Variants in FDFT1 observed in about 807,000 individuals in gnomAD.
The protein encoded by FDFT1 is squalene synthase.
In FDFT1, 68 loss-of-function variants were observed where a neutral mutation model predicts 46.8. That is an observed-to-expected ratio of 1.45 (90% CI 1.19 to 1.78). The LOEUF is 1.78. Ranked by LOEUF, FDFT1 falls within the 40% of genes most tolerant of loss-of-function variation. The probability of loss-of-function intolerance (pLI) is 0.00; values close to 1 mark genes in which losing one functional copy is unlikely to be tolerated. For synonymous variants in FDFT1, 351 were observed against 185.1 expected, an observed-to-expected ratio of 1.90 and a Z score of -7.28; for missense variants, 928 against 524.4, an observed-to-expected ratio of 1.77 and a Z score of -7.52.
At position 11,821,859 on chromosome 8, in the gene FDFT1, C is replaced by T. The variant is rs199864384; in HGVS notation, c.491C>T (p.Ser164Phe). The T allele has an allele frequency of 2.2e-5, 35 of 1,613,144 alleles. No homozygotes were observed. In the African/African-American group the frequency reaches 4.3e-4, roughly 20 times the overall value. The change falls in exon 4 of 8, where the codon TCT (serine) becomes TTT (phenylalanine). Residue 164 changes from serine to phenylalanine, a missense_variant. Transcript: ENST00000220584. ...MAEFLDKHVT[S>F]EQEWDKYCHY... ...GAGTTTTTGGATAAGCATGTGACCTCTGAACAGGAGTGGGACAAGGTTAGT... is the reference window on the plus strand; with the variant it reads ...GAGTTTTTGGATAAGCATGTGACCTTTGAACAGGAGTGGGACAAGGTTAGT...
intron 3 of FDFT1, among the ~76,000 whole-genome samples, chr8:11,810,170 T>C (rs972904940): frequency 6.6e-6 from 1 of 151,986 alleles, no homozygotes; most frequent in African/African-American, 2.4e-5. Context: ...GTAATGCTCT[T>C]AGAATGTTAG....
intron 3 of FDFT1, among the ~76,000 whole-genome samples, chr8:11,816,362 C>G (rs886359117): frequency 1.5e-4 from 23 of 152,146 alleles, no homozygotes; most frequent in African/African-American, 5.1e-4. Context: ...CTCTTTTTTG[C>G]TTCCATGTGA....
chr8:11,796,862 A>G lies in FDFT1; in HGVS notation c.-94+851A>G, dbSNP rs564553198. 7.2e-5 allele frequency among the ~76,000 whole-genome samples: 11 copies of G among 152,364 alleles called. No homozygotes were observed. The East Asian group carries it at 2.1e-3, about 29-fold the overall frequency. Reference sequence around the variant, plus strand: ...GGGTGAGCCAGTGGTAAGGTGGAAGAAAACAACTTCATTAAAGAGGCAGTG... The same window carrying G: ...GGGTGAGCCAGTGGTAAGGTGGAAGGAAACAACTTCATTAAAGAGGCAGTG... On this transcript the variant is annotated intron_variant, in intron 1 of 7. Transcript: ENST00000538689.
At chr8:11,798,004 A>G (rs1805736832), upstream of FDFT1, 1 of 152,270 alleles carries the variant, frequency 6.6e-6, no homozygotes, top group Non-Finnish European at 1.5e-5. Context: ...GATTTCCTTT[A>G]AATCAATCCA....
chr8:11,820,511 C>A (rs543755075), intron 3 of FDFT1, among the ~76,000 whole-genome samples: 4 of 152,350 alleles, frequency 2.6e-5, no homozygotes, highest in Middle Eastern at 3.4e-3. Flanking sequence ...CCACCCAGTT[C>A]AAGCTTCCTT....
At chr8:11,827,274 A>G (rs547250931) in intron 5 of FDFT1, among the ~76,000 whole-genome samples, 1 of 152,306 alleles carries the variant, frequency 6.6e-6, no homozygotes, top group East Asian at 1.9e-4. Flanking sequence ...ACAGCAAGAT[A>G]CCATCTCTAT....
In FDFT1 at chr8:11,828,550, A is replaced by G. The variant is rs576768304; in HGVS notation, c.703-1694A>G. The stretch of plus-strand genomic sequence containing the variant: ...TGACCACTGTTCCATTGTCTCCCAG[A>G]CAGAACATCAGCCACGGGCATGTGA... On this transcript the variant is annotated intron_variant, in intron 5 of 7. Coordinates refer to ENST00000220584, the MANE Select transcript of FDFT1 (RefSeq NM_004462.5). Among the ~76,000 whole-genome samples, 328 of 152,340 alleles carry G rather than the reference A, an allele frequency of 2.2e-3. 3 individuals are homozygous for G. The highest frequency in any genetic ancestry group is 7.7e-3 in the African/African-American group (318 of 41,562).
intron 5 of FDFT1, among the ~76,000 whole-genome samples, chr8:11,828,173 C>T (rs568964857): frequency 1.4e-4 from 21 of 152,120 alleles, no homozygotes; most frequent in Admixed American, 4.6e-4. Flanking sequence ...CTATAGTTCT[C>T]GCTCCTTGGG....
Position 11,838,700 on chromosome 8 carries a change from T to A in FDFT1, c.*91T>A. On this transcript the variant is annotated 3_prime_UTR_variant, in exon 8 of 8. Coordinates refer to ENST00000220584, the MANE Select transcript of FDFT1 (RefSeq NM_004462.5). ...TGTTGTGTTCTCTTTATTTTTTTCC[T>A]ACTACTTTAATCCCTAAAAGAACGC... The A allele has an allele frequency of 1.9e-6, 2 of 1,039,200 alleles. No individual in the cohort carries two copies. The highest frequency in any genetic ancestry group is 3.0e-6 in the Non-Finnish European group (2 of 673,840). 64.4% of individuals were successfully genotyped at this position (1,039,200 alleles called of 1,614,324 possible). A position where few individuals can be genotyped will look rare whatever the true frequency, so the allele number is the denominator to read the frequency against.
rs184685550 is a variant in FDFT1 at position 11,838,134 on chromosome 8, G to C, written c.1033-254G>C. On this transcript the variant is annotated intron_variant, in intron 7 of 7. Coordinates refer to ENST00000220584, the MANE Select transcript of FDFT1 (RefSeq NM_004462.5). ...TCATTGTGGCTCAGCCGCTGCTCTC[G>C]AGGGCCTCTGGGTGCAGTATGCACA... 1.9e-3 allele frequency among the ~76,000 whole-genome samples: 287 copies of C among 152,228 alleles called. 1 individual carries two copies. The highest frequency in any genetic ancestry group is 5.5e-3 in the African/African-American group (230 of 41,530).
intron 3 of FDFT1, among the ~76,000 whole-genome samples, chr8:11,821,335 G>C (rs1049897304): frequency 6.6e-6 from 1 of 152,228 alleles, no homozygotes; most frequent in Non-Finnish European, 1.5e-5. Context: ...GCTTATGCCT[G>C]TAATCCCAGC....
upstream of FDFT1, among the ~76,000 whole-genome samples, chr8:11,799,039 C>T (rs923399034): frequency 2.0e-5 from 3 of 152,110 alleles, no homozygotes; most frequent in Admixed American, 6.6e-5. Context: ...AGAGGAGCTA[C>T]GAATATTTAT....
intron 5 of FDFT1, among the ~76,000 whole-genome samples, chr8:11,829,604 A>G (rs2130865133): frequency 6.6e-6 from 1 of 152,196 alleles, no homozygotes; most frequent in East Asian, 1.9e-4. Flanking sequence ...TATTTTTTTC[A>G]GAAGTAGGCC....
intron 5 of FDFT1, among the ~76,000 whole-genome samples, chr8:11,828,530 A>C (rs563543591): frequency 6.6e-6 from 1 of 152,198 alleles, no homozygotes; most frequent in African/African-American, 2.4e-5. Flanking sequence ...GCCCCTGACC[A>C]CTGTTCCATT....
rs185262163 is a variant in FDFT1 at position 11,813,089 on chromosome 8, A to G, written c.381+3239A>G. Among the ~76,000 whole-genome samples the G allele has an allele frequency of 1.8e-3, 278 of 152,328 alleles. 1 individual carries two copies. Among genetic ancestry groups the G allele is most frequent in the African/African-American group, 5.3e-3 (222 of 41,562 alleles). The stretch of plus-strand genomic sequence containing the variant: ...GGTACTGTACTGAATACTGTAGGCA[A>G]TTGGAGCACAGTGGTAAGTATTTGT... On this transcript the variant is annotated intron_variant, in intron 3 of 7. Coordinates refer to ENST00000220584, the MANE Select transcript of FDFT1 (RefSeq NM_004462.5).
chr8:11,797,097 T>C (rs1462427035), intron 1 of FDFT1, among the ~76,000 whole-genome samples: 1 of 152,214 alleles, frequency 6.6e-6, no homozygotes, highest in Admixed American at 6.5e-5. Flanking sequence ...TCCTGGGTGT[T>C]GCGATGGCAA....
chr8:11,820,501 C>G (rs1034619482), intron 3 of FDFT1, among the ~76,000 whole-genome samples: 6 of 152,162 alleles, frequency 3.9e-5, no homozygotes, highest in Admixed American at 6.5e-5. Flanking sequence ...GCGGTGGGCT[C>G]CACCCAGTTC....
intron 1 of FDFT1, among the ~76,000 whole-genome samples, chr8:11,804,927 AG>A (rs34486675): frequency 6.6e-5 from 8 of 120,972 alleles, no homozygotes; most frequent in African/African-American, 1.7e-4. Flanking sequence ...TTTTTTTTTG[AG>A]GGGGGGGTCT....
At chr8:11,819,538 C>A (rs1267905246) in intron 3 of FDFT1, among the ~76,000 whole-genome samples, 1 of 151,894 alleles carries the variant, frequency 6.6e-6, no homozygotes, top group African/African-American at 2.4e-5. Flanking sequence ...AGCCTTTGTT[C>A]ATTTCTTTTC....
Sources: gnomAD v4.1 joint callset for allele counts (sites outside exome capture counted in the v4.1 genomes callset) on GRCh38, gnomAD v4.1.1 for gene constraint, MANE v1.5 for transcripts, NCBI Gene and HGNC (gene_info 2026-07-23, HGNC 2026-07-21) for gene names.